Variants in ZNF462 observed in about 807,000 individuals in gnomAD.
ZNF462 encodes the protein zinc finger PBX1-interacting protein.
Under a neutral mutation model 201.9 loss-of-function variants are expected in ZNF462, and 10 were observed. The observed-to-expected ratio is 0.05, with a 90% confidence interval of 0.03 to 0.08. The LOEUF is 0.08. ZNF462 is among the 10% of genes least tolerant of loss of function. The pLI, the probability that ZNF462 is intolerant of heterozygous loss-of-function variation, is 1.00. For synonymous variants in ZNF462, 1,227 were observed against 1,193.3 expected, an observed-to-expected ratio of 1.03 and a Z score of -0.58; for missense variants, 2,523 against 3,168.3, an observed-to-expected ratio of 0.80 and a Z score of 4.89.
intron 7 of ZNF462, among the ~76,000 whole-genome samples, chr9:106,944,993 C>T (rs796672236): frequency 1.3e-5 from 2 of 151,982 alleles, no homozygotes; most frequent in Non-Finnish European, 1.5e-5. Flanking sequence ...ACTTTATGTA[C>T]AAAAACAAAG....
At chr9:106,904,188 T>C (rs1020580201) in intron 1 of ZNF462, among the ~76,000 whole-genome samples, 3 of 152,182 alleles carry the variant, frequency 2.0e-5, no homozygotes, top group Non-Finnish European at 1.5e-5. Flanking sequence ...TCATATATTA[T>C]GCTTAGTTTT....
chr9:106,932,412 C>T lies in ZNF462; in HGVS notation c.6013-34C>T. The T allele has an allele frequency of 6.2e-7, 1 of 1,614,124 alleles. No homozygotes were observed. The highest frequency in any genetic ancestry group is 8.5e-7 in the Non-Finnish European group (1 of 1,180,006). Reference sequence around the variant, plus strand: ...AAACCCGGCCGGGGGGATACCATTGCAGTCAATGTGACAGAGTCCTGATGT... The same window carrying T: ...AAACCCGGCCGGGGGGATACCATTGTAGTCAATGTGACAGAGTCCTGATGT... On this transcript the variant is annotated intron_variant, in intron 4 of 12. Transcript: ENST00000277225. This position sits in a 1 kb window ranked among gnomAD's most constrained non-coding sequence, Gnocchi z 6.8.
intron 10 of ZNF462, among the ~76,000 whole-genome samples, chr9:107,000,544 C>T (rs1490030156): frequency 1.3e-5 from 2 of 152,030 alleles, no homozygotes; most frequent in African/African-American, 4.8e-5. Context: ...ACCGTCATAA[C>T]CCAAAACAAT....
At chr9:106,862,607 C>T (rs1194124237), upstream of ZNF462, among the ~76,000 whole-genome samples, 9 of 152,044 alleles carry the variant, frequency 5.9e-5, no homozygotes, top group Non-Finnish European at 1.2e-4. The surrounding 1 kb of genome is among the most constrained non-coding windows in gnomAD (Gnocchi z 4.2). Flanking sequence ...ACCTCCTCCT[C>T]CTCTGCCGCC....
In ZNF462 at chr9:107,010,919, A is replaced by AGAT; in HGVS notation, c.7413_7415dup (p.Asp2472dup). The AGAT allele has an allele frequency of 6.2e-7, 1 of 1,613,828 alleles. No homozygotes were observed. Among genetic ancestry groups the AGAT allele is most frequent in the Non-Finnish European group, 8.5e-7 (1 of 1,179,904 alleles). ...AAATGCCCTCCATAGAGGAAAAGGAAGATGACGAGGCCATTGGGATAGACT... is the reference window on the plus strand; with the variant it reads ...AAATGCCCTCCATAGAGGAAAAGGAAGATGATGACGAGGCCATTGGGATAGACT... On this transcript the variant is annotated inframe_insertion, in exon 13 of 13. Transcript: ENST00000277225. The surrounding 1 kb of genome is among the most constrained non-coding windows in gnomAD (Gnocchi z 4.6).
intron 7 of ZNF462, among the ~76,000 whole-genome samples, chr9:106,943,059 C>CGCGCGCGCGCGCGTGTGTGT (rs374167214): frequency 9.8e-4 from 141 of 143,240 alleles, no homozygotes; most frequent in African/African-American, 3.4e-3. Flanking sequence ...TTTGCGCGCG[C>CGCGCGCGCGCGCGTGTGTGT]GTGTGTGTGT....
chr9:106,972,715 T>C lies in ZNF462; in HGVS notation c.6695+443T>C, dbSNP rs1260556835. On this transcript the variant is annotated intron_variant, in intron 8 of 12. Transcript: ENST00000277225. This position sits in a 1 kb window ranked among gnomAD's most constrained non-coding sequence, Gnocchi z 4.8. ...GAAAATTCTTTAATTCTTAAGATCG[T>C]AGTATTGAAAGACACATAGAGAATC... Among the ~76,000 whole-genome samples the C allele has an allele frequency of 2.0e-5, 3 of 152,166 alleles. No homozygotes were observed. The highest frequency in any genetic ancestry group is 7.2e-5 in the African/African-American group (3 of 41,422).
chr9:106,976,012 G>A (rs1826975263), intron 9 of ZNF462: 1 of 152,180 alleles, frequency 6.6e-6, no homozygotes. Context: ...TTGAGAGTGA[G>A]ACAAACTATT....
At chr9:106,904,792 G>C in intron 1 of ZNF462, among the ~76,000 whole-genome samples, 1 of 152,120 alleles carries the variant, frequency 6.6e-6, no homozygotes, top group East Asian at 1.9e-4. Flanking sequence ...TAAGCTATCT[G>C]TTTCCATGAA....
chr9:106,892,946 C>T (rs1480780505), intron 1 of ZNF462, among the ~76,000 whole-genome samples: 1 of 152,180 alleles, frequency 6.6e-6, no homozygotes, highest in Non-Finnish European at 1.5e-5. Flanking sequence ...TCTCCAGTTA[C>T]TGACTTTGGA....
intron 1 of ZNF462, among the ~76,000 whole-genome samples, chr9:106,894,926 A>G (rs778898813): frequency 1.6e-4 from 25 of 152,202 alleles, no homozygotes; most frequent in Admixed American, 2.6e-4. Context: ...TATTGAAGTT[A>G]ACTACACTTG....
chr9:106,868,949 A>G (rs976197872), intron 1 of ZNF462, among the ~76,000 whole-genome samples: 4 of 152,144 alleles, frequency 2.6e-5, no homozygotes, highest in African/African-American at 4.8e-5. Context: ...ATAGATCCAG[A>G]GCCCAATTTT....
At chr9:106,864,091 T>C (rs1448692796) in intron 1 of ZNF462, among the ~76,000 whole-genome samples, 116 of 120,434 alleles carry the variant, frequency 9.6e-4, no homozygotes, top group African/African-American at 2.5e-3. Flanking sequence ...TCTCTCTCTC[T>C]CTCTCTCTCT....
In ZNF462 at chr9:106,927,653, C is replaced by T. The variant is rs138370991; in HGVS notation, c.3741C>T (p.Cys1247=). 131 of 1,613,934 alleles carry T rather than the reference C, an allele frequency of 8.1e-5. No individual in the cohort carries two copies. Among genetic ancestry groups the T allele is most frequent in the South Asian group, 3.4e-4 (31 of 91,070 alleles). Residue 1247 remains cysteine (C), a synonymous_variant, in exon 3 of 13, where the codon TGC becomes TGT. Transcript: ENST00000277225. ...GAAATCAGAAGAAGCCTGCCAGCTG[C>T]GTGCTTGTCTCCCCCTCTAATCTGG... ...CDRNQKKPAS[C]VLVSPSNLER...
chr9:106,864,956 A>AG (rs1223940272), intron 1 of ZNF462, among the ~76,000 whole-genome samples: 1 of 152,282 alleles, frequency 6.6e-6, no homozygotes, highest in East Asian at 1.9e-4. Flanking sequence ...GACAAAGCTG[A>AG]GATGAGAAGT....
In ZNF462 at chr9:106,913,813, G is replaced by C. The variant is rs895844143; in HGVS notation, c.-30-9541G>C. On this transcript the variant is annotated intron_variant, in intron 1 of 12. Transcript: ENST00000277225. The surrounding 1 kb of genome is among the most constrained non-coding windows in gnomAD (Gnocchi z 4.1). ...GAAGAGGTTTTACCATGTTGGCTAG[G>C]CTGGTCTCGAACTCCTTACCTCAAG... Among the ~76,000 whole-genome samples the C allele has an allele frequency of 6.7e-6, 1 of 150,230 alleles. No individual in the cohort carries two copies. The highest frequency in any genetic ancestry group is 1.5e-5 in the Non-Finnish European group (1 of 67,322).
Position 106,989,782 on chromosome 9 carries a change from C to G in ZNF462, c.7056+5373C>G, listed in dbSNP as rs557044815. 2.6e-5 allele frequency among the ~76,000 whole-genome samples: 4 copies of G among 152,166 alleles called. No homozygotes were observed. In the South Asian group the frequency reaches 6.2e-4, roughly 24 times the overall value. On this transcript the variant is annotated intron_variant, in intron 10 of 12. Transcript: ENST00000277225. The stretch of plus-strand genomic sequence containing the variant: ...TTTAGGCTACGAGGGTTGTATTTTT[C>G]CAGGAATTTATCCATCTCTGCCAGG...
At chr9:106,937,121 G>A (rs941651512) in intron 6 of ZNF462, among the ~76,000 whole-genome samples, 2 of 152,102 alleles carry the variant, frequency 1.3e-5, no homozygotes, top group Non-Finnish European at 2.9e-5. Flanking sequence ...AAAAGGTAAT[G>A]TGTGCTAACC....
In ZNF462 at chr9:106,974,127, T is replaced by C. The variant is rs754746014; in HGVS notation, c.6696-10T>C. On this transcript the variant is annotated splice_polypyrimidine_tract_variant and intron_variant, in intron 8 of 12. Coordinates refer to ENST00000277225, the MANE Select transcript of ZNF462 (RefSeq NM_021224.6). The surrounding 1 kb of genome is among the most constrained non-coding windows in gnomAD (Gnocchi z 4.0). ...ACACGCATCACCTCTCCTCCCAAAC[T>C]CTCTCCTAGATCTGCTTTTACTATG... 1 of 1,613,822 alleles carries C rather than the reference T, an allele frequency of 6.2e-7. No individual in the cohort carries two copies. The highest frequency in any genetic ancestry group is 8.5e-7 in the Non-Finnish European group (1 of 1,179,922).
Sources: allele counts gnomAD v4.1 joint callset (sites outside exome capture counted in the v4.1 genomes callset), GRCh38; gene constraint gnomAD v4.1.1; non-coding constraint Gnocchi (gnomAD v3.1); transcripts MANE v1.5; gene names NCBI Gene and HGNC (gene_info 2026-07-23, HGNC 2026-07-21).